PTPRU: variants seen among roughly 807,000 people sequenced by gnomAD.
The protein encoded by PTPRU is protein tyrosine phosphatase receptor type U.
A neutral mutation model predicts 166.3 loss-of-function variants in PTPRU; 69 were observed. That is an observed-to-expected ratio of 0.41 (90% confidence interval 0.34 to 0.51). The LOEUF is 0.51. Among genes scored for constraint, PTPRU ranks in the 20% least tolerant of loss-of-function variants. The pLI, the probability that PTPRU is intolerant of heterozygous loss-of-function variation, is 0.09. For synonymous variants in PTPRU, 793 were observed against 814.0 expected (o/e 0.97, Z 0.44); for missense variants, 1,657 against 2,013.7 (o/e 0.82, Z 3.39).
In PTPRU at chr1:29,269,219, C is replaced by CAAATATAT. The variant is rs1365617963; in HGVS notation, c.1145-6228_1145-6227insAATATATA. Among the ~76,000 whole-genome samples the CAAATATAT allele has an allele frequency of 7.5e-4, 32 of 42,388 alleles. 2 individuals are homozygous for CAAATATAT. The highest frequency in any genetic ancestry group is 2.2e-3 in the African/African-American group (23 of 10,516). The allele number at this position is 42,388 out of a possible 152,430, so 27.8% of individuals were successfully genotyped here. ...CCACCATGCCCAGCTAATTTATATA[C>CAAATATAT]ATATATATATATATATATATATATA... On this transcript the variant is annotated intron_variant, in intron 7 of 29. Coordinates refer to ENST00000373779, the MANE Select transcript of PTPRU (RefSeq NM_133178.4).
chr1:29,260,057 ACGCCGGGGAGCGCCGGGACCT>A lies in PTPRU; in HGVS notation c.850+15_850+35del. ...CTCATCGTCAAGGGTCAGCTGGTGG[ACGCCGGGGAGCGCCGGGACCT>A]CACCCTCGAGGGGCGGGGCCGGCGA... On this transcript the variant is annotated intron_variant, in intron 6 of 29. Transcript: ENST00000373779. The surrounding 1 kb of genome is among the most constrained non-coding windows in gnomAD (Gnocchi z 8.3). 5 of 1,238,072 alleles carry A rather than the reference ACGCCGGGGAGCGCCGGGACCT, an allele frequency of 4.0e-6. No individual in the cohort carries two copies. The highest frequency in any genetic ancestry group is 4.1e-6 in the Non-Finnish European group (4 of 982,500). The allele number at this position is 1,238,072 out of a possible 1,614,324, so 76.7% of individuals were successfully genotyped here. A position where few individuals can be genotyped will look rare whatever the true frequency, so the allele number is the denominator to read the frequency against.
intron 1 of PTPRU, among the ~76,000 whole-genome samples, chr1:29,252,173 C>A (rs757443544): frequency 6.6e-6 from 1 of 152,212 alleles, no homozygotes; most frequent in African/African-American, 2.4e-5. Context: ...GCCATCCTCA[C>A]ACCCACATCT....
At position 29,279,994 on chromosome 1, in the gene PTPRU, G is replaced by A. The variant is rs563146776; in HGVS notation, c.1766-45G>A. On this transcript the variant is annotated intron_variant, in intron 10 of 29. Transcript: ENST00000373779. This position sits in a 1 kb window ranked among gnomAD's most constrained non-coding sequence, Gnocchi z 5.2. ...GGAGGCTGGAAGCCTGGTCTTCCTG[G>A]TCCAGTGGCCAAGCTCCAGCTTGTG... 2.6e-6 allele frequency: 4 copies of A among 1,552,114 alleles called. No homozygotes were observed. The African/African-American group carries it at 4.1e-5, about 16-fold the overall frequency.
In PTPRU at chr1:29,262,908, CTG is replaced by C. The variant is rs544372654; in HGVS notation, c.1144+2008_1144+2009del. 3.6e-3 allele frequency among the ~76,000 whole-genome samples: 552 copies of C among 152,308 alleles called. 2 individuals carry two copies. Among genetic ancestry groups the C allele is most frequent in the African/African-American group, 0.012 (513 of 41,566 alleles). On this transcript the variant is annotated intron_variant, in intron 7 of 29. Transcript: ENST00000373779. ...TTTCTGTCCCTATGGATTTGCCTCTCTGTGGACATTTCACATAAATGGAATCA... is the reference window on the plus strand; with the variant it reads ...TTTCTGTCCCTATGGATTTGCCTCTCTGGACATTTCACATAAATGGAATCA...
At chr1:29,292,568 AAT>A (rs1363383492) in intron 15 of PTPRU, among the ~76,000 whole-genome samples, 1 of 152,244 alleles carries the variant, frequency 6.6e-6, no homozygotes, top group African/African-American at 2.4e-5. Context: ...GTATTCACAG[AAT>A]ATAGTGAGTC....
At chr1:29,305,247 G>A in intron 17 of PTPRU, 105 bp from the exon 18 acceptor site, 1 of 1,096,926 alleles carries the variant, frequency 9.1e-7, no homozygotes, top group Non-Finnish European at 1.4e-6. Context: ...AGGTTCCCTG[G>A]CTGCCCTGCC....
At position 29,291,433 on chromosome 1, in the gene PTPRU, G is replaced by A. The variant is rs911947585; in HGVS notation, c.2319-436G>A. Among the ~76,000 whole-genome samples, 11 of 151,844 alleles carry A rather than the reference G, an allele frequency of 7.2e-5. No homozygotes were observed. Among genetic ancestry groups the A allele is most frequent in the East Asian group, 1.9e-4 (1 of 5,134 alleles). On this transcript the variant is annotated intron_variant, in intron 14 of 29. Coordinates refer to ENST00000373779, the MANE Select transcript of PTPRU (RefSeq NM_133178.4). This position sits in a 1 kb window ranked among gnomAD's most constrained non-coding sequence, Gnocchi z 4.1. ...CTGGAGAGTGGTCCCTGTTTAACACGGGGAGGAGAGAGGTGGGGACATGCT... is the reference window on the plus strand; with the variant it reads ...CTGGAGAGTGGTCCCTGTTTAACACAGGGAGGAGAGAGGTGGGGACATGCT...
chr1:29,325,081 G>A (rs1165251695), intron 28 of PTPRU, 110 bp from the exon 29 acceptor site: 16 of 1,436,256 alleles, frequency 1.1e-5, no homozygotes, highest in Non-Finnish European at 1.4e-5. Context: ...AGATTCCCTA[G>A]CTCCGTCCCT....
In PTPRU at chr1:29,320,533, A is replaced by G. The variant is rs1296766815; in HGVS notation, c.3688-152A>G. On this transcript the variant is annotated intron_variant, in intron 25 of 29. Transcript: ENST00000373779. The surrounding 1 kb of genome is among the most constrained non-coding windows in gnomAD (Gnocchi z 5.2). ...AACCCAGGCCTCAGTGTGCCAACCA[A>G]CATCAGAAATGGCCCACTGGAGGCA... is the stretch of plus-strand genomic sequence containing the variant. 3 of 880,012 alleles carry G rather than the reference A, an allele frequency of 3.4e-6. No homozygotes were observed. The highest frequency in any genetic ancestry group is 4.8e-6 in the Non-Finnish European group (3 of 626,654). 54.5% of individuals were successfully genotyped at this position (880,012 alleles called of 1,614,324 possible).
intron 7 of PTPRU, among the ~76,000 whole-genome samples, chr1:29,272,015 C>G (rs1397459323): frequency 6.6e-6 from 1 of 151,984 alleles, no homozygotes; most frequent in Admixed American, 6.6e-5. Context: ...CACCTCGGCT[C>G]TTGTAGACTC....
chr1:29,269,244 ATAT>A (rs1685448659), intron 7 of PTPRU, among the ~76,000 whole-genome samples: 2 of 27,626 alleles, frequency 7.2e-5, no homozygotes, highest in African/African-American at 1.0e-4. Flanking sequence ...ATATATATAT[ATAT>A]TTTTTTTTTT....
chr1:29,305,858 T>C (rs781135768), intron 18 of PTPRU, among the ~76,000 whole-genome samples: 2 of 152,138 alleles, frequency 1.3e-5, no homozygotes, highest in African/African-American at 2.4e-5. Context: ...GTTTTGACCA[T>C]GATCAGAGTG....
chr1:29,267,812 T>A (rs1350646180), intron 7 of PTPRU, among the ~76,000 whole-genome samples: 1 of 152,152 alleles, frequency 6.6e-6, no homozygotes, highest in African/African-American at 2.4e-5. Flanking sequence ...TGGAGAATGT[T>A]CTCCAGGAGG....
intron 2 of PTPRU, among the ~76,000 whole-genome samples, chr1:29,256,251 T>C (rs1453398242): frequency 6.6e-6 from 1 of 152,138 alleles, no homozygotes; most frequent in Non-Finnish European, 1.5e-5. Context: ...CTAGTACTGC[T>C]CTTCACTGGA....
At position 29,255,268 on chromosome 1, in the gene PTPRU, C is replaced by G. The variant is rs781165786; in HGVS notation, c.74-7C>G. ...TAGCCTGGGCTAACCAGGCCCTGCT[C>G]TCACAGCTGGCTGCACCTTCGAGGA... On this transcript the variant is annotated splice_polypyrimidine_tract_variant and splice_region_variant and intron_variant, in intron 1 of 29. Coordinates refer to ENST00000373779, the MANE Select transcript of PTPRU (RefSeq NM_133178.4). 10 of 1,612,732 alleles carry G rather than the reference C, an allele frequency of 6.2e-6. No individual in the cohort carries two copies. The highest frequency in any genetic ancestry group is 7.6e-6 in the Non-Finnish European group (9 of 1,179,164).
Position 29,284,860 on chromosome 1 carries a change from T to G in PTPRU, c.2309T>G (p.Ile770Ser). ...CTCCTGGGTGCCATCATTGTCATCATCCGCAAAGGGTGAGTGAGGCCGGTG... is the reference window on the plus strand; with the variant it reads ...CTCCTGGGTGCCATCATTGTCATCAGCCGCAAAGGGTGAGTGAGGCCGGTG... ...ILLLGAIIVI[I>S]RKGKPVNMTK... The change falls in exon 14 of 30, where the codon ATC (isoleucine) becomes AGC (serine). Residue 770 changes from isoleucine (I) to serine (S), a missense_variant. Around this residue, in one of 3 missense-constraint regions of PTPRU, gnomAD observed 1,190 missense variants for 1,477.4 expected, o/e 0.81. Coordinates refer to ENST00000373779, the MANE Select transcript of PTPRU (RefSeq NM_133178.4). 6.2e-7 allele frequency: 1 copy of G among 1,611,964 alleles called. No homozygotes were observed. The highest frequency in any genetic ancestry group is 8.5e-7 in the Non-Finnish European group (1 of 1,178,664).
chr1:29,321,625 G>A (rs906016880), intron 26 of PTPRU, among the ~76,000 whole-genome samples: 5 of 152,204 alleles, frequency 3.3e-5, no homozygotes, highest in African/African-American at 1.2e-4. Context: ...CTTTCTGACT[G>A]TTTGATCTAG....
intron 25 of PTPRU, among the ~76,000 whole-genome samples, chr1:29,318,716 G>A (rs1278137535): frequency 1.3e-5 from 2 of 152,298 alleles, no homozygotes; most frequent in South Asian, 2.1e-4. Flanking sequence ...ACCCCTCCCC[G>A]TCAGGGACTG....
intron 7 of PTPRU, among the ~76,000 whole-genome samples, chr1:29,273,256 C>A (rs577322466): frequency 6.6e-6 from 1 of 152,184 alleles, no homozygotes; most frequent in South Asian, 2.1e-4. Flanking sequence ...GCTTCAGAAG[C>A]CTTGACTTTT....
Sources: allele counts gnomAD v4.1 joint callset (sites outside exome capture counted in the v4.1 genomes callset), GRCh38; gene constraint gnomAD v4.1.1; regional missense constraint gnomAD v4.1.1; non-coding constraint Gnocchi (gnomAD v3.1); transcripts MANE v1.5; gene names NCBI Gene and HGNC (gene_info 2026-07-23, HGNC 2026-07-21).